Variants in SAMD7 observed in about 807,000 individuals in gnomAD.
The protein encoded by SAMD7 is sterile alpha motif domain containing 7.
SAMD7 carries 34 observed loss-of-function variants against 36.7 expected under a neutral mutation model. That is an observed-to-expected ratio of 0.93 (90% confidence interval 0.71 to 1.23). The LOEUF (loss-of-function observed/expected upper bound fraction) is 1.23. Ranked by LOEUF, SAMD7 falls within the 50% of genes most tolerant of loss-of-function variation. SAMD7 has a pLI of 0.00. For synonymous variants in SAMD7, 188 were observed against 189.7 expected (o/e 0.99, Z 0.07); for missense variants, 570 against 546.6 (o/e 1.04, Z -0.43).
chr3:169,923,020 A>G (rs79412782), intron 4 of SAMD7, among the ~76,000 whole-genome samples: 4,855 of 152,284 alleles, frequency 0.032, 107 homozygotes, highest in Middle Eastern at 0.13. Context: ...AGGGCTCAGG[A>G]GAGACTAGGA....
rs1019151511 is a variant in SAMD7, at chr3:169,919,443, T to C, written c.-41-15T>C. The C allele has an allele frequency of 1.2e-5, 15 of 1,304,238 alleles. No homozygotes were observed. The South Asian group carries it at 1.3e-4, about 11-fold the overall frequency. 80.8% of individuals were successfully genotyped at this position (1,304,238 alleles called of 1,614,324 possible). ...GTAGAGTTATTTGTTAAAGTGTCTA[T>C]CTGGTTCTTTTTAGAACTCCATTAG... On this transcript the variant is annotated splice_polypyrimidine_tract_variant and intron_variant, in intron 2 of 8. Coordinates refer to ENST00000335556, the MANE Select transcript of SAMD7 (RefSeq NM_001304366.2).
rs534823106 is a variant in SAMD7 at position 169,933,118 on chromosome 3, G to T, written c.1042-3221G>T. On this transcript the variant is annotated intron_variant, in intron 7 of 8. Coordinates refer to ENST00000335556, the MANE Select transcript of SAMD7 (RefSeq NM_001304366.2). Reference sequence around the variant, plus strand: ...CTCTCCCCAGTGCTCTCTGATCCTCGTCTGGACGCCATGGACCAGTGGCTC... The same window carrying T: ...CTCTCCCCAGTGCTCTCTGATCCTCTTCTGGACGCCATGGACCAGTGGCTC... 9.5e-6 allele frequency: 8 copies of T among 840,354 alleles called. No individual in the cohort carries two copies. In the African/African-American group the frequency reaches 1.0e-4, roughly 11 times the overall value. The allele number at this position is 840,354 out of a possible 1,614,324, so 52.1% of individuals were successfully genotyped here.
chr3:169,921,970 G>A (rs1713064550), intron 4 of SAMD7, among the ~76,000 whole-genome samples: 1 of 152,216 alleles, frequency 6.6e-6, no homozygotes, highest in Non-Finnish European at 1.5e-5. Context: ...TTTTCTCACA[G>A]TGTGTATGTG....
chr3:169,935,363 T>C (rs1713681287), intron 7 of SAMD7, among the ~76,000 whole-genome samples: 3 of 152,176 alleles, frequency 2.0e-5, no homozygotes, highest in Non-Finnish European at 4.4e-5. Flanking sequence ...GGACCCACAG[T>C]ATATGTGGAG....
intron 4 of SAMD7, 22 bp from the exon 5 acceptor site, chr3:169,925,036 G>A: frequency 1.4e-5 from 21 of 1,460,808 alleles, no homozygotes; most frequent in Non-Finnish European, 2.0e-5. Flanking sequence ...TGTGGGGTGG[G>A]ATGGTGGTTT....
chr3:169,927,506 A>G (rs1713327754), intron 6 of SAMD7, among the ~76,000 whole-genome samples: 1 of 151,990 alleles, frequency 6.6e-6, no homozygotes, highest in African/African-American at 2.4e-5. Flanking sequence ...CATGTTGGCC[A>G]GGATGGTCTC....
intron 7 of SAMD7, among the ~76,000 whole-genome samples, chr3:169,929,902 T>C (rs1375956548): frequency 6.6e-6 from 1 of 152,228 alleles, no homozygotes; most frequent in African/African-American, 2.4e-5. Context: ...TTTTTAAAAA[T>C]TAGTCATTAG....
At chr3:169,924,240 A>C (rs1360703973) in intron 4 of SAMD7, among the ~76,000 whole-genome samples, 1 of 151,934 alleles carries the variant, frequency 6.6e-6, no homozygotes, top group Non-Finnish European at 1.5e-5. Flanking sequence ...CTTTCAAGAT[A>C]GATTATTGGT....
intron 2 of SAMD7, among the ~76,000 whole-genome samples, chr3:169,919,130 TTGAA>T (rs1712936272): frequency 6.6e-6 from 1 of 151,898 alleles, no homozygotes; most frequent in Non-Finnish European, 1.5e-5. Flanking sequence ...TGGGCAAAAA[TTGAA>T]ACTCCATCTC....
intron 7 of SAMD7, 29 bp downstream of exon 7, chr3:169,928,607 A>G (rs1172256371): frequency 6.2e-7 from 1 of 1,606,392 alleles, no homozygotes; most frequent in Admixed American, 1.7e-5. Flanking sequence ...ATTTCCATAC[A>G]AGAAAAACAG....
intron 7 of SAMD7, 140 bp from the exon 8 acceptor site, chr3:169,936,199 C>T: frequency 1.7e-6 from 1 of 590,930 alleles, no homozygotes; most frequent in East Asian, 2.9e-5. Flanking sequence ...AAGAGAGCAA[C>T]TAAAAAAAGG....
chr3:169,914,663 A>G (rs1324082261), intron 1 of SAMD7, among the ~76,000 whole-genome samples: 1 of 152,240 alleles, frequency 6.6e-6, no homozygotes, highest in Admixed American at 6.5e-5. Context: ...CAGATGTGGT[A>G]CCAAGGATAG....
Position 169,936,317 on chromosome 3 carries a change from AAC to A in SAMD7, c.1042-19_1042-18del. 7.0e-7 allele frequency: 1 copy of A among 1,423,354 alleles called. No homozygotes were observed. The highest frequency in any genetic ancestry group is 9.9e-7 in the Non-Finnish European group (1 of 1,009,694). The allele number at this position is 1,423,354 out of a possible 1,614,324, so 88.2% of individuals were successfully genotyped here. On this transcript the variant is annotated intron_variant, in intron 7 of 8. Coordinates refer to ENST00000335556, the MANE Select transcript of SAMD7 (RefSeq NM_001304366.2). Reference sequence around the variant, plus strand: ...CAAAAAAAGACATTCAGACAGAGTTAACACCTTTTGTATTTATGAAGGTATTT... The same window carrying A: ...CAAAAAAAGACATTCAGACAGAGTTAACCTTTTGTATTTATGAAGGTATTT...
At chr3:169,919,845 C>T (rs745323886) in intron 3 of SAMD7, among the ~76,000 whole-genome samples, 22 of 152,186 alleles carry the variant, frequency 1.4e-4, no homozygotes, top group Non-Finnish European at 3.2e-4. Context: ...CAGGTGCAAA[C>T]ACTGGAGTAA....
At chr3:169,929,888 C>G (rs1310831742) in intron 7 of SAMD7, among the ~76,000 whole-genome samples, 1 of 152,130 alleles carries the variant, frequency 6.6e-6, no homozygotes, top group Non-Finnish European at 1.5e-5. Context: ...TGGTTATAAC[C>G]TTATTTTTAA....
Position 169,921,212 on chromosome 3 carries a change from A to C in SAMD7, c.87-2A>C. 1 of 1,613,476 alleles carries C rather than the reference A, an allele frequency of 6.2e-7. No individual in the cohort carries two copies. Among genetic ancestry groups the C allele is most frequent in the Non-Finnish European group, 8.5e-7 (1 of 1,179,448 alleles). ...TTTTATTTTATATCTTTTTGTTCTC[A>C]GAGATGTATTGCCTTCCACCGTAGC... On this transcript the variant is annotated splice_acceptor_variant, in intron 3 of 8. Transcript: ENST00000335556. LOFTEE classifies it high-confidence loss of function.
At chr3:169,934,625 G>A (rs1055226410) in intron 7 of SAMD7, among the ~76,000 whole-genome samples, 1 of 152,134 alleles carries the variant, frequency 6.6e-6, no homozygotes, top group South Asian at 2.1e-4. Context: ...TGGGGGACAC[G>A]GTAATTGTGG....
Position 169,928,569 on chromosome 3 carries a change from C to T in SAMD7, c.1032C>T (p.Asp344=). The change falls in exon 7 of 9, where the codon GAC becomes GAT. Residue 344 remains aspartate, a synonymous_variant. Coordinates refer to ENST00000335556, the MANE Select transcript of SAMD7 (RefSeq NM_001304366.2). ...SFIRSLPGCS[D]YAQVFKDHAI... ...TTCGCAGCCTTCCAGGTTGTTCAGA[C>T]TATGCTCAGGTGACTTAATGTTTAA... 1 of 1,613,668 alleles carries T rather than the reference C, an allele frequency of 6.2e-7. No individual in the cohort carries two copies. The highest frequency in any genetic ancestry group is 1.1e-5 in the South Asian group (1 of 90,984).
chr3:169,930,473 G>A (rs1319361476), intron 7 of SAMD7, among the ~76,000 whole-genome samples: 3 of 152,018 alleles, frequency 2.0e-5, no homozygotes, highest in African/African-American at 7.3e-5. Context: ...CCCTCTGGAT[G>A]CAACAGCCCT....
Sources: allele counts gnomAD v4.1 joint callset (sites outside exome capture counted in the v4.1 genomes callset), GRCh38; gene constraint gnomAD v4.1.1; transcripts MANE v1.5; gene names NCBI Gene and HGNC (gene_info 2026-07-23, HGNC 2026-07-21).